ZC3H7A: variants seen among roughly 807,000 people sequenced by gnomAD.
ZC3H7A encodes zinc finger CCCH-type containing 7A.
In ZC3H7A, 44 loss-of-function variants were observed where a neutral mutation model predicts 125.5. That is an observed-to-expected ratio of 0.35 (90% CI 0.28 to 0.45). ZC3H7A has a LOEUF of 0.45. ZC3H7A is among the 20% of genes least tolerant of loss of function. The pLI is 1.00. For synonymous variants in ZC3H7A, 399 were observed against 391.2 expected, an observed-to-expected ratio of 1.02 and a Z score of -0.23; for missense variants, 977 against 1,170.7, an observed-to-expected ratio of 0.83 and a Z score of 2.41.
intron 10 of ZC3H7A, among the ~76,000 whole-genome samples, chr16:11,770,500 T>C (rs528578616): frequency 6.6e-6 from 1 of 152,322 alleles, no homozygotes; most frequent in Admixed American, 6.5e-5. Flanking sequence ...GAATACATTG[T>C]CATTTCACCC....
At chr16:11,786,850 T>C (rs1010296265) in intron 1 of ZC3H7A, among the ~76,000 whole-genome samples, 1 of 152,246 alleles carries the variant, frequency 6.6e-6, no homozygotes, top group Non-Finnish European at 1.5e-5. Flanking sequence ...TCTTTATCTA[T>C]CTGCTCATCC....
chr16:11,773,889 A>G (rs2053032294), intron 9 of ZC3H7A, among the ~76,000 whole-genome samples: 1 of 152,128 alleles, frequency 6.6e-6, no homozygotes, highest in Admixed American at 6.6e-5. Flanking sequence ...TCTCAAAAAA[A>G]AATAAATAAA....
At chr16:11,763,161 G>A (rs1049239111) in intron 16 of ZC3H7A, 5 of 247,310 alleles carry the variant, frequency 2.0e-5, no homozygotes, top group Non-Finnish European at 3.1e-5. Context: ...AGACTGGAGC[G>A]TAGTGTTGTG....
At chr16:11,791,285 A>G (rs1279618595) in intron 1 of ZC3H7A, among the ~76,000 whole-genome samples, 1 of 151,822 alleles carries the variant, frequency 6.6e-6, no homozygotes, top group Non-Finnish European at 1.5e-5. Context: ...CGTCACACTG[A>G]CCTTTTAAGA....
At chr16:11,791,942 C>T (rs2053361548) in intron 1 of ZC3H7A, among the ~76,000 whole-genome samples, 1 of 152,184 alleles carries the variant, frequency 6.6e-6, no homozygotes, top group African/African-American at 2.4e-5. Flanking sequence ...GACAGTGTCT[C>T]CCTGTGTTGC....
intron 22 of ZC3H7A, among the ~76,000 whole-genome samples, chr16:11,752,153 G>A (rs1567369194): frequency 6.6e-6 from 1 of 152,070 alleles, no homozygotes; most frequent in Non-Finnish European, 1.5e-5. Flanking sequence ...TGACCCAACC[G>A]CCTCAGCCTC....
chr16:11,778,436 C>CAAAAAAA (rs754842530), intron 4 of ZC3H7A, among the ~76,000 whole-genome samples: 1 of 74,092 alleles, frequency 1.3e-5, no homozygotes, highest in Non-Finnish European at 2.6e-5. Context: ...GACACTGTCT[C>CAAAAAAA]AAAAAAAAAA....
Position 11,767,536 on chromosome 16 carries a change from T to A in ZC3H7A, c.1403A>T (p.His468Leu), listed in dbSNP as rs758723722. Reference protein sequence around the residue: ...MDFTYHANIDHKCKKDILIGR... With the variant: ...MDFTYHANIDLKCKKDILIGR... The stretch of plus-strand genomic sequence containing the variant: ...GATTAAAATATCTTTCTTACACTTA[T>A]GATCTATGTTAGCATGGTAAGTGAA... Residue 468 changes from histidine to leucine, a missense_variant, in exon 13 of 23, where the codon CAT becomes CTT. By Grantham distance (99) the His-to-Leu change is moderately conservative. This residue lies in a region of ZC3H7A where 342 missense variants were observed against 311.3 expected (regional missense o/e 1.10). Coordinates refer to ENST00000355758, the MANE Select transcript of ZC3H7A (RefSeq NM_014153.4). 1 of 1,611,388 alleles carries A rather than the reference T, an allele frequency of 6.2e-7. No homozygotes were observed. Among genetic ancestry groups the A allele is most frequent in the South Asian group, 1.1e-5 (1 of 90,540 alleles).
rs958430197 is a variant in ZC3H7A, at chr16:11,779,129, T to C, written c.306+37A>G. ...TACTAAGTCATTGAAAAAATTCTTTTCACTCTAGAAACATCATTTTAAAAA... is the reference window on the plus strand; with the variant it reads ...TACTAAGTCATTGAAAAAATTCTTTCCACTCTAGAAACATCATTTTAAAAA... On this transcript the variant is annotated intron_variant, in intron 4 of 22. Coordinates refer to ENST00000355758, the MANE Select transcript of ZC3H7A (RefSeq NM_014153.4). 2.7e-6 allele frequency: 4 copies of C among 1,506,020 alleles called. No homozygotes were observed. The African/African-American group carries it at 4.2e-5, about 16-fold the overall frequency. 93.3% of individuals were successfully genotyped at this position (1,506,020 alleles called of 1,614,324 possible). A position where few individuals can be genotyped will look rare whatever the true frequency, so the allele number is the denominator to read the frequency against.
At chr16:11,778,602 A>T (rs538900416) in intron 4 of ZC3H7A, among the ~76,000 whole-genome samples, 33 of 152,342 alleles carry the variant, frequency 2.2e-4, no homozygotes, top group African/African-American at 7.5e-4. Flanking sequence ...TTTTATAAGC[A>T]GACACACCTT....
intron 1 of ZC3H7A, among the ~76,000 whole-genome samples, chr16:11,790,748 C>T (rs115164969): frequency 0.023 from 3,459 of 151,902 alleles, 129 homozygotes; most frequent in African/African-American, 0.079. Flanking sequence ...CATGTTGGTC[C>T]AGCTGGTCTT....
At chr16:11,769,686 G>A (rs2052936436) in intron 10 of ZC3H7A, among the ~76,000 whole-genome samples, 1 of 104,078 alleles carries the variant, frequency 9.6e-6, no homozygotes, top group African/African-American at 4.3e-5. Context: ...TTTCCAGCCT[G>A]GGCAACAGAG....
intron 1 of ZC3H7A, among the ~76,000 whole-genome samples, chr16:11,786,636 C>T (rs140676522): frequency 6.6e-6 from 1 of 152,228 alleles, no homozygotes; most frequent in East Asian, 1.9e-4. Context: ...AAAATACACC[C>T]CTTTAGCTGT....
intron 1 of ZC3H7A, among the ~76,000 whole-genome samples, chr16:11,789,245 T>G (rs1438464320): frequency 6.6e-6 from 1 of 152,120 alleles, no homozygotes; most frequent in East Asian, 1.9e-4. Flanking sequence ...GGTAAAAGTA[T>G]TCTGTGTATA....
At chr16:11,776,017 A>T (rs2053074056) in intron 7 of ZC3H7A, among the ~76,000 whole-genome samples, 2 of 149,466 alleles carry the variant, frequency 1.3e-5, no homozygotes, top group African/African-American at 4.9e-5. Context: ...AAAATTTAAC[A>T]GGCCATGGTG....
intron 18 of ZC3H7A, 132 bp from the exon 19 acceptor site, chr16:11,761,643 T>C (rs1351216862): frequency 3.4e-5 from 32 of 936,556 alleles, no homozygotes; most frequent in Non-Finnish European, 4.8e-5. Flanking sequence ...AAATACCTTA[T>C]GATTCTGTAT....
intron 1 of ZC3H7A, 170 bp from the exon 2 acceptor site, chr16:11,782,558 T>A: frequency 4.7e-6 from 2 of 426,508 alleles, no homozygotes; most frequent in East Asian, 8.3e-5. Context: ...TCTTTGTGGC[T>A]CCCCTGTGGT....
Position 11,781,049 on chromosome 16 carries a change from G to A in ZC3H7A, c.108+376C>T, listed in dbSNP as rs376968547. 1.9e-4 allele frequency among the ~76,000 whole-genome samples: 28 copies of A among 150,300 alleles called. 1 individual carries two copies. Among genetic ancestry groups the A allele is most frequent in the East Asian group, 1.8e-3 (9 of 5,128 alleles). On this transcript the variant is annotated intron_variant, in intron 3 of 22. Coordinates refer to ENST00000355758, the MANE Select transcript of ZC3H7A (RefSeq NM_014153.4). ...TTAATTCAAAACCACCCTAATAGAG[G>A]AAAGAAAATACAGGGCAACTGTGCA...
chr16:11,773,134 C>G (rs2053016242), intron 9 of ZC3H7A, among the ~76,000 whole-genome samples: 1 of 151,922 alleles, frequency 6.6e-6, no homozygotes, highest in Admixed American at 6.5e-5. Flanking sequence ...CTGATGTGTT[C>G]CAGTAAAACT....
Sources: gnomAD v4.1 joint callset for allele counts (sites outside exome capture counted in the v4.1 genomes callset) on GRCh38, gnomAD v4.1.1 for gene constraint, gnomAD v4.1.1 regional missense constraint, MANE v1.5 for transcripts, NCBI Gene and HGNC (gene_info 2026-07-23, HGNC 2026-07-21) for gene names.